ADARB1: variants seen among roughly 807,000 people sequenced by gnomAD.
The protein encoded by ADARB1 is double-stranded RNA-specific editase 1.
ADARB1 carries 10 observed loss-of-function variants against 52.4 expected under a neutral mutation model. The ratio of observed to expected loss-of-function variants is 0.19; its 90% CI spans 0.12 to 0.32. The LOEUF (loss-of-function observed/expected upper bound fraction) is 0.32, where lower values mean the gene tolerates loss of function less well. Ranked by LOEUF, ADARB1 falls within the 10% of genes least tolerant of loss-of-function variation. ADARB1 has a pLI of 1.00. For missense variants in ADARB1, 643 were observed against 922.3 expected (o/e 0.70, Z 3.92); for synonymous variants, 349 against 371.1 (o/e 0.94, Z 0.68).
intron 2 of ADARB1, among the ~76,000 whole-genome samples, chr21:45,160,857 C>G (rs986033947): frequency 6.6e-6 from 1 of 152,096 alleles, no homozygotes; most frequent in African/African-American, 2.4e-5. Context: ...GTTAAGTAAT[C>G]GACTTACATA....
chr21:45,165,310 T>C (rs2091206014), intron 2 of ADARB1, among the ~76,000 whole-genome samples: 1 of 152,248 alleles, frequency 6.6e-6, no homozygotes, highest in East Asian at 1.9e-4. Flanking sequence ...GAATTTCCTC[T>C]TCTGTTTCAG....
Position 45,176,772 on chromosome 21 carries a change from C to G in ADARB1, c.963+108C>G. ...CTGTTGACTTTCCACCTTGACATCA[C>G]TCTGTCCCCACCAGGAGGAGTTACT... On this transcript the variant is annotated intron_variant, in intron 4 of 10. Coordinates refer to ENST00000348831, the MANE Select transcript of ADARB1 (RefSeq NM_001112.4). The surrounding 1 kb of genome is among the most constrained non-coding windows in gnomAD (Gnocchi z 5.8). The G allele has an allele frequency of 8.2e-7, 1 of 1,223,138 alleles. No homozygotes were observed. Among genetic ancestry groups the G allele is most frequent in the Non-Finnish European group, 1.1e-6 (1 of 895,974 alleles). 75.8% of individuals were successfully genotyped at this position (1,223,138 alleles called of 1,614,324 possible). A position where few individuals can be genotyped will look rare whatever the true frequency, so the allele number is the denominator to read the frequency against.
At chr21:45,094,573 C>G (rs2086682914) in intron 1 of ADARB1, among the ~76,000 whole-genome samples, 1 of 152,144 alleles carries the variant, frequency 6.6e-6, no homozygotes. Flanking sequence ...GCCCCGAGCA[C>G]TATGTCTGCT....
At chr21:45,135,569 G>A (rs763678835) in intron 2 of ADARB1, among the ~76,000 whole-genome samples, 3 of 152,226 alleles carry the variant, frequency 2.0e-5, no homozygotes, top group Non-Finnish European at 2.9e-5. Flanking sequence ...CCTCAAAACC[G>A]TGAGCGGTAG....
At chr21:45,219,086 A>G (rs950528923) in intron 9 of ADARB1, among the ~76,000 whole-genome samples, 3 of 152,254 alleles carry the variant, frequency 2.0e-5, no homozygotes, top group Admixed American at 6.5e-5. Context: ...CAGCAAGAAA[A>G]TAAGTACAAG....
chr21:45,165,735 A>G (rs191996911), intron 2 of ADARB1, among the ~76,000 whole-genome samples: 102 of 152,078 alleles, frequency 6.7e-4, no homozygotes, highest in Non-Finnish European at 1.1e-3. Context: ...TCATCTTTCA[A>G]TTTTTTTGCT....
At position 45,103,552 on chromosome 21, in the gene ADARB1, C is replaced by T. The variant is rs148654932; in HGVS notation, c.-219-24850C>T. Among the ~76,000 whole-genome samples, 438 of 151,906 alleles carry T rather than the reference C, an allele frequency of 2.9e-3. 4 individuals are homozygous for T. The highest frequency in any genetic ancestry group is 9.7e-3 in the African/African-American group (403 of 41,416). ...ATGTGCAACCTAGACCCCTCACATGCGCAGTTCACAATAGGGTTCCAGTCC... is the reference window on the plus strand; with the variant it reads ...ATGTGCAACCTAGACCCCTCACATGTGCAGTTCACAATAGGGTTCCAGTCC... On this transcript the variant is annotated intron_variant, in intron 1 of 10. Coordinates refer to ENST00000348831, the MANE Select transcript of ADARB1 (RefSeq NM_001112.4).
At chr21:45,158,384 C>T (rs1328112299) in intron 2 of ADARB1, among the ~76,000 whole-genome samples, 3 of 152,110 alleles carry the variant, frequency 2.0e-5, no homozygotes, top group Non-Finnish European at 4.4e-5. Context: ...TGGAAGCAAA[C>T]GGGACCATCT....
chr21:45,110,260 T>G (rs1407143947), intron 1 of ADARB1, among the ~76,000 whole-genome samples: 1 of 152,212 alleles, frequency 6.6e-6, no homozygotes, highest in African/African-American at 2.4e-5. Context: ...GGGTAGCATG[T>G]TTAGCGTTTT....
intron 1 of ADARB1, among the ~76,000 whole-genome samples, chr21:45,123,601 G>A (rs2088356268): frequency 6.6e-6 from 1 of 152,038 alleles, no homozygotes; most frequent in Non-Finnish European, 1.5e-5. Context: ...CATCGTGCTG[G>A]CCTTTTTGTT....
intron 9 of ADARB1, among the ~76,000 whole-genome samples, chr21:45,219,887 C>T (rs1217631101): frequency 6.6e-6 from 1 of 152,154 alleles, no homozygotes; most frequent in Non-Finnish European, 1.5e-5. Flanking sequence ...CCATGTGAAC[C>T]CAACAAGCAA....
At position 45,074,589 on chromosome 21, in the gene ADARB1, AGGCGGCCGT is replaced by A. The variant is rs1568982594; in HGVS notation, c.-417_-409del. 1 of 130,856 alleles carries A rather than the reference AGGCGGCCGT, an allele frequency of 7.6e-6. No homozygotes were observed. The highest frequency in any genetic ancestry group is 1.7e-5 in the Non-Finnish European group (1 of 59,024). The allele number at this position is 130,856 out of a possible 1,614,324, so 8.1% of individuals were successfully genotyped here. The stretch of plus-strand genomic sequence containing the variant: ...CGCCGGCGGCGGGGCTGAGGCGCTG[AGGCGGCCGT>A]GGCGGCGGCGGCGGCGGCGGCGGCA... On this transcript the variant is annotated 5_prime_UTR_variant, in exon 1 of 11. Coordinates refer to ENST00000348831, the MANE Select transcript of ADARB1 (RefSeq NM_001112.4).
chr21:45,205,021 G>C (rs930344437), intron 9 of ADARB1, among the ~76,000 whole-genome samples: 1 of 152,168 alleles, frequency 6.6e-6, no homozygotes, highest in African/African-American at 2.4e-5. Context: ...ACTTTGGGAG[G>C]CCAAGGCCTA....
At chr21:45,182,241 C>T (rs779555090) in intron 5 of ADARB1, among the ~76,000 whole-genome samples, 2 of 152,164 alleles carry the variant, frequency 1.3e-5, no homozygotes, top group African/African-American at 4.8e-5. Context: ...TCCACCTTTC[C>T]ATAGTGTTGC....
intron 8 of ADARB1, among the ~76,000 whole-genome samples, chr21:45,192,076 G>T (rs2092316338): frequency 6.6e-6 from 1 of 151,590 alleles, no homozygotes; most frequent in African/African-American, 2.4e-5. Flanking sequence ...AAGGTTTGAG[G>T]CTTCTTTGAA....
At position 45,223,849 on chromosome 21, in the gene ADARB1, G is replaced by A. The variant is rs2093009221; in HGVS notation, c.*1652G>A. The A allele has an allele frequency of 1.0e-6, 1 of 985,430 alleles. No individual in the cohort carries two copies. The highest frequency in any genetic ancestry group is 1.2e-6 in the Non-Finnish European group (1 of 829,964). 61.0% of individuals were successfully genotyped at this position (985,430 alleles called of 1,614,324 possible). A position where few individuals can be genotyped will look rare whatever the true frequency, so the allele number is the denominator to read the frequency against. ...AGATCTCGTCGCAGCACGGCAGGAA[G>A]GGGTGCTGCTTAGGGCTCATTGTTG... On this transcript the variant is annotated 3_prime_UTR_variant, in exon 11 of 11. Coordinates refer to ENST00000348831, the MANE Select transcript of ADARB1 (RefSeq NM_001112.4).
At chr21:45,090,313 A>G (rs1326865833) in intron 1 of ADARB1, among the ~76,000 whole-genome samples, 5 of 151,730 alleles carry the variant, frequency 3.3e-5, no homozygotes, top group East Asian at 1.9e-4. Context: ...AATACCTTCT[A>G]TTTTTTCAAA....
chr21:45,221,119 A>G lies in ADARB1; in HGVS notation c.1926+105A>G. ...GTTGTTTCATCATGTCATCATGCAC[A>G]GCTTCCGAAAACGATCACTTGGAAT... On this transcript the variant is annotated intron_variant, in intron 10 of 10. Transcript: ENST00000348831. This position sits in a 1 kb window ranked among gnomAD's most constrained non-coding sequence, Gnocchi z 4.9. 7.7e-7 allele frequency: 1 copy of G among 1,299,298 alleles called. No individual in the cohort carries two copies. Among genetic ancestry groups the G allele is most frequent in the East Asian group, 2.6e-5 (1 of 39,140 alleles). 80.5% of individuals were successfully genotyped at this position (1,299,298 alleles called of 1,614,324 possible).
Position 45,195,989 on chromosome 21 carries a change from G to A in ADARB1, c.1566-8566G>A, listed in dbSNP as rs185961440. On this transcript the variant is annotated intron_variant, in intron 8 of 10. Coordinates refer to ENST00000348831, the MANE Select transcript of ADARB1 (RefSeq NM_001112.4). The stretch of plus-strand genomic sequence containing the variant: ...GGATTGTGTTGAATCTCTATGTCAA[G>A]TTGGACAGAACCAACGCTGAGTCTT... Among the ~76,000 whole-genome samples the A allele has an allele frequency of 3.5e-4, 53 of 152,274 alleles. No individual in the cohort carries two copies. The Middle Eastern group carries it at 0.014, about 39-fold the overall frequency.
Sources: gnomAD v4.1 joint callset for allele counts (sites outside exome capture counted in the v4.1 genomes callset) on GRCh38, gnomAD v4.1.1 for gene constraint, Gnocchi (gnomAD v3.1) non-coding constraint, MANE v1.5 for transcripts, NCBI Gene and HGNC (gene_info 2026-07-23, HGNC 2026-07-21) for gene names.